CEP128: variants seen among roughly 807,000 people sequenced by gnomAD.
CEP128 encodes centrosomal protein 128.
CEP128 carries 132 observed loss-of-function variants against 156.7 expected under a neutral mutation model. That is an observed-to-expected ratio of 0.84 (90% CI 0.73 to 0.97). The LOEUF is 0.97. Among genes scored for constraint, CEP128 ranks in the 50% least tolerant of loss-of-function variants. The pLI is 0.00. For missense variants in CEP128, 1,252 were observed against 1,281.9 expected, an observed-to-expected ratio of 0.98 and a Z score of 0.36; for synonymous variants, 469 against 448.9, an observed-to-expected ratio of 1.04 and a Z score of -0.57.
intron 8 of CEP128, among the ~76,000 whole-genome samples, chr14:80,889,869 T>A (rs879185737): frequency 6.6e-6 from 1 of 152,140 alleles, no homozygotes; most frequent in African/African-American, 2.4e-5. Context: ...ATTTTTGCAA[T>A]CTATCCATCT....
chr14:80,922,957 G>A (rs1336441724), intron 2 of CEP128, among the ~76,000 whole-genome samples: 1 of 152,194 alleles, frequency 6.6e-6, no homozygotes, highest in Non-Finnish European at 1.5e-5. Context: ...ACCTGCTGGT[G>A]CAACAAAATT....
At chr14:80,632,016 GT>G (rs1464261257) in intron 19 of CEP128, among the ~76,000 whole-genome samples, 1 of 152,020 alleles carries the variant, frequency 6.6e-6, no homozygotes, top group African/African-American at 2.4e-5. Flanking sequence ...TAGCTGATGT[GT>G]TATTCAGCTC....
chr14:80,813,548 T>C (rs1318867163), intron 13 of CEP128, among the ~76,000 whole-genome samples: 2 of 152,164 alleles, frequency 1.3e-5, no homozygotes, highest in Admixed American at 1.3e-4. Context: ...TTTTCTCCTG[T>C]GTATGAGCTT....
intron 19 of CEP128, among the ~76,000 whole-genome samples, chr14:80,613,921 T>C (rs1413148382): frequency 6.6e-6 from 1 of 152,078 alleles, no homozygotes; most frequent in Non-Finnish European, 1.5e-5. Flanking sequence ...AATAAGGAAA[T>C]TGTAAAGGAA....
chr14:80,698,372 A>G (rs1186422044), intron 19 of CEP128, among the ~76,000 whole-genome samples: 1 of 152,132 alleles, frequency 6.6e-6, no homozygotes, highest in Non-Finnish European at 1.5e-5. Flanking sequence ...TACGTTCCCA[A>G]ATAGGGAAGA....
intron 21 of CEP128, among the ~76,000 whole-genome samples, chr14:80,532,633 A>T (rs1462291595): frequency 2.0e-5 from 3 of 151,902 alleles, no homozygotes; most frequent in Non-Finnish European, 4.4e-5. Flanking sequence ...TGTGCTAATT[A>T]CTCCAATGCA....
At chr14:80,812,113 T>C (rs1884590231) in intron 13 of CEP128, among the ~76,000 whole-genome samples, 1 of 152,220 alleles carries the variant, frequency 6.6e-6, no homozygotes, top group South Asian at 2.1e-4. Context: ...CCATGTGTAA[T>C]CACTGTTTAG....
intron 19 of CEP128, among the ~76,000 whole-genome samples, chr14:80,584,761 T>C (rs1487450900): frequency 1.3e-5 from 2 of 152,204 alleles, no homozygotes; most frequent in Admixed American, 1.3e-4. Flanking sequence ...GTATCTTTCA[T>C]TATAATGAAC....
chr14:80,579,381 T>A (rs1192495954), intron 20 of CEP128, among the ~76,000 whole-genome samples: 3 of 152,056 alleles, frequency 2.0e-5, no homozygotes, highest in African/African-American at 7.2e-5. Flanking sequence ...AATAATCTAA[T>A]CTGTACAAAA....
Position 80,732,515 on chromosome 14 carries a change from T to TGTGTGTGC in CEP128, c.2806+10559_2806+10560insGCACACAC, listed in dbSNP as rs1555396242. ...GTGTGTGTGTGTGTGTGTGTGTGTGTGTGTGGTTTCTCCAATAAAACCTGT... is the reference window on the plus strand; with the variant it reads ...GTGTGTGTGTGTGTGTGTGTGTGTGTGTGTGTGCGTGTGGTTTCTCCAATAAAACCTGT... On this transcript the variant is annotated intron_variant, in intron 19 of 24. Transcript: ENST00000555265. Among the ~76,000 whole-genome samples, 70 of 147,902 alleles carry TGTGTGTGC rather than the reference T, an allele frequency of 4.7e-4. 1 individual carries two copies. The highest frequency in any genetic ancestry group is 9.4e-4 in the Non-Finnish European group (63 of 66,874).
At chr14:80,541,187 T>C (rs925530169) in intron 21 of CEP128, among the ~76,000 whole-genome samples, 65 of 152,270 alleles carry the variant, frequency 4.3e-4, no homozygotes, top group African/African-American at 1.5e-3. Flanking sequence ...AAACAGTATC[T>C]GAACATCTCT....
rs767625060 is a variant in CEP128, at chr14:80,686,102, T to C, written c.2806+56973A>G. ...GAAATTGCAACAAAAACAAAATTGATTGGGGACTAAATGAATTAACTTTTG... is the reference window on the plus strand; with the variant it reads ...GAAATTGCAACAAAAACAAAATTGACTGGGGACTAAATGAATTAACTTTTG... On this transcript the variant is annotated intron_variant, in intron 19 of 24. Transcript: ENST00000555265. Among the ~76,000 whole-genome samples, 52 of 151,922 alleles carry C rather than the reference T, an allele frequency of 3.4e-4. 1 individual carries two copies. The highest frequency in any genetic ancestry group is 1.1e-3 in the African/African-American group (45 of 41,408).
At chr14:80,522,788 A>G (rs1263237313) in intron 23 of CEP128, among the ~76,000 whole-genome samples, 1 of 152,224 alleles carries the variant, frequency 6.6e-6, no homozygotes, top group Non-Finnish European at 1.5e-5. Context: ...CAGAAACCCA[A>G]TTAGGCTTGA....
At chr14:80,587,224 G>A (rs963836909) in intron 19 of CEP128, among the ~76,000 whole-genome samples, 2 of 151,966 alleles carry the variant, frequency 1.3e-5, no homozygotes, top group Admixed American at 1.3e-4. Flanking sequence ...GCCACCCACT[G>A]GTACATATCT....
chr14:80,530,734 C>G (rs1482709405), intron 22 of CEP128, 75 bp downstream of exon 22: 11 of 1,045,316 alleles, frequency 1.1e-5, no homozygotes, highest in South Asian at 5.2e-5. Context: ...CTATACTTTT[C>G]TTTGCACATC....
At chr14:80,922,741 G>C (rs1884939959) in intron 2 of CEP128, among the ~76,000 whole-genome samples, 1 of 152,112 alleles carries the variant, frequency 6.6e-6, no homozygotes, top group Non-Finnish European at 1.5e-5. Flanking sequence ...AGTTCAATTA[G>C]ATAAGAAATT....
intron 19 of CEP128, among the ~76,000 whole-genome samples, chr14:80,657,643 T>A (rs1895232359): frequency 6.6e-6 from 1 of 152,010 alleles, no homozygotes; most frequent in South Asian, 2.1e-4. Flanking sequence ...AGAGTGAGAC[T>A]CTGTCTCAAA....
chr14:80,668,535 A>G (rs1015494250), intron 19 of CEP128, among the ~76,000 whole-genome samples: 3 of 152,220 alleles, frequency 2.0e-5, no homozygotes, highest in Non-Finnish European at 2.9e-5. Context: ...AAATAACATG[A>G]AACATCAATT....
chr14:80,655,029 C>T (rs1595159637), intron 19 of CEP128, among the ~76,000 whole-genome samples: 3 of 151,936 alleles, frequency 2.0e-5, no homozygotes, highest in Admixed American at 6.6e-5. Context: ...TTTCTCTCAC[C>T]CTCTTTAGTT....
Sources: gnomAD v4.1 joint callset for allele counts (sites outside exome capture counted in the v4.1 genomes callset) on GRCh38, gnomAD v4.1.1 for gene constraint, MANE v1.5 for transcripts, NCBI Gene and HGNC (gene_info 2026-07-23, HGNC 2026-07-21) for gene names.